The following AXDND1 variants were observed in gnomAD, a reference collection of about 807,000 sequenced individuals.
AXDND1 encodes axonemal dynein light chain domain-containing protein 1.
A neutral mutation model predicts 137.5 loss-of-function variants in AXDND1; 110 were observed. The ratio of observed to expected loss-of-function variants is 0.80; its 90% CI spans 0.69 to 0.94. The LOEUF is 0.94. AXDND1 is among the 40% of genes least tolerant of loss of function. The pLI, the probability that AXDND1 is intolerant of heterozygous loss-of-function variation, is 0.00. For missense variants in AXDND1, 1,191 were observed against 1,169.8 expected (o/e 1.02, Z -0.26); for synonymous variants, 414 against 399.7 (o/e 1.04, Z -0.43).
At chr1:179,551,777 T>C in intron 25 of AXDND1, 1 of 336,190 alleles carries the variant, frequency 3.0e-6, no homozygotes, top group Non-Finnish European at 5.6e-6. Flanking sequence ...TGCAAAGGCA[T>C]GACGTTATGA....
chr1:179,549,714 A>C (rs562053415), intron 25 of AXDND1, among the ~76,000 whole-genome samples: 1 of 152,286 alleles, frequency 6.6e-6, no homozygotes, highest in African/African-American at 2.4e-5. Context: ...AAAAGTGACC[A>C]ACAACCCTCG....
rs549427846 is a variant in AXDND1, at chr1:179,513,407, A to G, written c.2496+4004A>G. Among the ~76,000 whole-genome samples the G allele has an allele frequency of 2.6e-5, 4 of 152,284 alleles. No homozygotes were observed. In the South Asian group the frequency reaches 6.2e-4, roughly 24 times the overall value. The stretch of plus-strand genomic sequence containing the variant: ...GTTAAACCATCCCTGCATCCCTGCT[A>G]TGTAACCCACGTGATCATGGTGGAT... On this transcript the variant is annotated intron_variant, in intron 21 of 25. Coordinates refer to ENST00000367618, the MANE Select transcript of AXDND1 (RefSeq NM_144696.6).
At chr1:179,488,697 TTCCTC>T (rs1666470509) in intron 18 of AXDND1, among the ~76,000 whole-genome samples, 1 of 136,174 alleles carries the variant, frequency 7.3e-6, no homozygotes, top group Admixed American at 7.2e-5. Flanking sequence ...CTTTCTTTCT[TTCCTC>T]TCTCTGTCTC....
intron 4 of AXDND1, among the ~76,000 whole-genome samples, chr1:179,378,303 G>A (rs1382263320): frequency 6.6e-6 from 1 of 152,174 alleles, no homozygotes; most frequent in Non-Finnish European, 1.5e-5. Flanking sequence ...AGTTAGGACT[G>A]ATGGAATGAG....
intron 25 of AXDND1, among the ~76,000 whole-genome samples, chr1:179,541,228 A>G (rs1672103000): frequency 6.6e-6 from 1 of 152,196 alleles, no homozygotes. Flanking sequence ...CACCTGGTAC[A>G]GTCTCTCATG....
intron 21 of AXDND1, among the ~76,000 whole-genome samples, chr1:179,517,727 A>T (rs909321406): frequency 3.3e-5 from 5 of 152,236 alleles, no homozygotes; most frequent in Non-Finnish European, 7.3e-5. Context: ...CAGTTTCCCC[A>T]GTGGGGGTGT....
intron 21 of AXDND1, among the ~76,000 whole-genome samples, chr1:179,518,752 G>A (rs1381626267): frequency 6.6e-6 from 1 of 152,116 alleles, no homozygotes; most frequent in African/African-American, 2.4e-5. Flanking sequence ...GTATTCCATG[G>A]TGTATATGTA....
At chr1:179,479,564 T>C (rs1488525549) in intron 17 of AXDND1, among the ~76,000 whole-genome samples, 2 of 149,196 alleles carry the variant, frequency 1.3e-5, no homozygotes, top group Non-Finnish European at 3.0e-5. Context: ...GATCACGAGG[T>C]CAGGAGATTG....
At chr1:179,447,733 C>T in intron 16 of AXDND1, 3 of 1,345,520 alleles carry the variant, frequency 2.2e-6, no homozygotes, top group Non-Finnish European at 3.2e-6. Context: ...ACTATTTGCA[C>T]CAGTAGCTCC....
intron 10 of AXDND1, 89 bp from the exon 11 acceptor site, chr1:179,395,009 A>G: frequency 8.9e-7 from 1 of 1,123,124 alleles, no homozygotes; most frequent in South Asian, 1.4e-5. Context: ...GATAACTGAG[A>G]AGATTCCTGA....
intron 25 of AXDND1, chr1:179,548,837 A>C (rs977075590): frequency 2.0e-5 from 3 of 152,350 alleles, no homozygotes; most frequent in Admixed American, 1.3e-4. Flanking sequence ...ATTTCTAAGG[A>C]AGGCCTTCAA....
intron 25 of AXDND1, among the ~76,000 whole-genome samples, chr1:179,535,537 T>C (rs1671464325): frequency 6.6e-6 from 1 of 152,224 alleles, no homozygotes; most frequent in Non-Finnish European, 1.5e-5. Context: ...TCCATGTCCC[T>C]ACAAAGGACA....
intron 25 of AXDND1, among the ~76,000 whole-genome samples, chr1:179,538,589 G>A (rs1671781850): frequency 6.6e-6 from 1 of 152,166 alleles, no homozygotes; most frequent in Admixed American, 6.5e-5. Context: ...TTTTATATTT[G>A]CTGAGGAGTG....
chr1:179,488,140 C>T (rs756551379), intron 18 of AXDND1, among the ~76,000 whole-genome samples: 1 of 147,346 alleles, frequency 6.8e-6, no homozygotes, highest in Admixed American at 6.7e-5. Context: ...GACAGTGTAG[C>T]ATTCCTATAT....
chr1:179,500,102 T>C (rs1667843222), intron 20 of AXDND1, among the ~76,000 whole-genome samples: 1 of 152,098 alleles, frequency 6.6e-6, no homozygotes, highest in Non-Finnish European at 1.5e-5. Context: ...AGGGAAATTA[T>C]AGACCAGTCT....
intron 20 of AXDND1, among the ~76,000 whole-genome samples, chr1:179,493,884 C>T (rs188803954): frequency 3.8e-4 from 58 of 152,098 alleles, no homozygotes; most frequent in Admixed American, 2.7e-3. Flanking sequence ...ACCATTTTTA[C>T]ACTCTTGCCA....
intron 25 of AXDND1, chr1:179,551,050 C>A (rs1258792863): frequency 8.5e-7 from 1 of 1,180,740 alleles, no homozygotes; most frequent in African/African-American, 1.5e-5. Flanking sequence ...TGACTTCGTG[C>A]ATTCCATGGC....
At chr1:179,436,283 A>AGT (rs1658137020) in intron 15 of AXDND1, among the ~76,000 whole-genome samples, 1 of 152,214 alleles carries the variant, frequency 6.6e-6, no homozygotes, top group Non-Finnish European at 1.5e-5. Context: ...AAGACAATGT[A>AGT]GTGATGCCTC....
chr1:179,486,119 C>CAAAAAAAAAAAAA (rs1173009992), intron 18 of AXDND1, among the ~76,000 whole-genome samples: 5 of 22,640 alleles, frequency 2.2e-4, no homozygotes, highest in Non-Finnish European at 4.8e-4. Flanking sequence ...AACTCTGTCT[C>CAAAAAAAAAAAAA]AAAAAAAAAA....
Sources: gnomAD v4.1 joint callset for allele counts (sites outside exome capture counted in the v4.1 genomes callset) on GRCh38, gnomAD v4.1.1 for gene constraint, MANE v1.5 for transcripts, NCBI Gene and HGNC (gene_info 2026-07-23, HGNC 2026-07-21) for gene names.